Variants in RNGTT observed in about 807,000 individuals in gnomAD.
RNGTT encodes the protein mRNA-capping enzyme.
Under a neutral mutation model 79.3 loss-of-function variants are expected in RNGTT, and 33 were observed. The observed-to-expected ratio is 0.42, with a 90% CI of 0.32 to 0.56. RNGTT has a LOEUF of 0.56. RNGTT is among the 20% of genes least tolerant of loss of function. The pLI is 0.17. For synonymous variants in RNGTT, 222 were observed against 235.9 expected (o/e 0.94, Z 0.54); for missense variants, 497 against 739.1 (o/e 0.67, Z 3.80).
intron 1 of RNGTT, among the ~76,000 whole-genome samples, chr6:88,943,627 T>C (rs1051196361): frequency 6.6e-6 from 1 of 151,786 alleles, no homozygotes; most frequent in African/African-American, 2.4e-5. Context: ...GTTTATATTC[T>C]ATTAGGAAAA....
intron 12 of RNGTT, among the ~76,000 whole-genome samples, chr6:88,799,133 T>G (rs553081559): frequency 5.3e-5 from 8 of 150,712 alleles, no homozygotes; most frequent in Non-Finnish European, 5.9e-5. Flanking sequence ...AAACTTAAAC[T>G]CAGTTACAGA....
chr6:88,657,639 C>T (rs1200098276), intron 14 of RNGTT, among the ~76,000 whole-genome samples: 1 of 152,106 alleles, frequency 6.6e-6, no homozygotes, highest in East Asian at 1.9e-4. Flanking sequence ...TGCTTGCTTT[C>T]TCAGTGGAGA....
chr6:88,858,387 T>C (rs535081824), intron 8 of RNGTT, among the ~76,000 whole-genome samples: 2 of 152,188 alleles, frequency 1.3e-5, no homozygotes, highest in African/African-American at 4.8e-5. Flanking sequence ...AGATATTAAA[T>C]AATTCCAACC....
At chr6:88,681,417 TCTTA>T (rs1413482134) in intron 13 of RNGTT, among the ~76,000 whole-genome samples, 1 of 152,170 alleles carries the variant, frequency 6.6e-6, no homozygotes, top group Non-Finnish European at 1.5e-5. Context: ...TATACTTCTT[TCTTA>T]TTCATTATCC....
At position 88,887,047 on chromosome 6, in the gene RNGTT, TAA is replaced by T. The variant is rs754717516; in HGVS notation, c.896+3446_896+3447del. On this transcript the variant is annotated intron_variant, in intron 8 of 15. Coordinates refer to ENST00000369485, the MANE Select transcript of RNGTT (RefSeq NM_003800.5). ...GCAACATAGCAAAACACAATTTCTT[TAA>T]AAAAAAAAAAAAAAAAAAAAAGCCA... Among the ~76,000 whole-genome samples the T allele has an allele frequency of 3.5e-3, 294 of 83,470 alleles. 1 individual carries two copies. The highest frequency in any genetic ancestry group is 5.1e-3 in the Non-Finnish European group (215 of 42,282). 54.8% of individuals were successfully genotyped at this position (83,470 alleles called of 152,430 possible). A position where few individuals can be genotyped will look rare whatever the true frequency, so the allele number is the denominator to read the frequency against.
chr6:88,852,992 T>C (rs1241980754), intron 9 of RNGTT, among the ~76,000 whole-genome samples: 1 of 152,200 alleles, frequency 6.6e-6, no homozygotes, highest in Non-Finnish European at 1.5e-5. Flanking sequence ...ATGTAACATA[T>C]GTTTCTCTTC....
At chr6:88,782,772 C>T (rs1459854803) in intron 12 of RNGTT, among the ~76,000 whole-genome samples, 5 of 152,020 alleles carry the variant, frequency 3.3e-5, no homozygotes, top group Non-Finnish European at 5.9e-5. Flanking sequence ...ACGTAGATGG[C>T]CAACAGACCT....
chr6:88,675,642 A>G (rs1436192543), intron 14 of RNGTT, among the ~76,000 whole-genome samples: 1 of 148,584 alleles, frequency 6.7e-6, no homozygotes, highest in Non-Finnish European at 1.5e-5. Flanking sequence ...TGAAATCTAC[A>G]TAAAAGCTAC....
chr6:88,630,286 C>CTGT (rs1408175101), intron 14 of RNGTT, among the ~76,000 whole-genome samples: 1 of 152,224 alleles, frequency 6.6e-6, no homozygotes, highest in Non-Finnish European at 1.5e-5. Flanking sequence ...CCTCCTGGTA[C>CTGT]TGTTCTGTGC....
chr6:88,934,971 T>C (rs1365681457), intron 2 of RNGTT, among the ~76,000 whole-genome samples: 1 of 152,242 alleles, frequency 6.6e-6, no homozygotes, highest in Admixed American at 6.5e-5. Context: ...AGTTGTGTTT[T>C]TGAGGTCTTA....
intron 13 of RNGTT, among the ~76,000 whole-genome samples, chr6:88,739,221 C>T (rs1344671199): frequency 1.3e-5 from 2 of 151,954 alleles, no homozygotes; most frequent in East Asian, 1.9e-4. Flanking sequence ...GCTGGTAAGA[C>T]AAAAGGTGAA....
chr6:88,929,117 T>C, intron 3 of RNGTT, 44 bp from the exon 4 acceptor site: 1 of 1,584,668 alleles, frequency 6.3e-7, no homozygotes, highest in Non-Finnish European at 8.6e-7. Context: ...AGATTACAAA[T>C]TGTGATGAAA....
At chr6:88,614,191 C>T in intron 15 of RNGTT, 81 bp downstream of exon 15, 1 of 1,396,448 alleles carries the variant, frequency 7.2e-7, no homozygotes, top group Non-Finnish European at 1.0e-6. Context: ...TTAAGCAAAA[C>T]AACAAAGGCA....
intron 11 of RNGTT, among the ~76,000 whole-genome samples, chr6:88,809,356 A>C (rs1364981685): frequency 1.3e-5 from 2 of 152,166 alleles, no homozygotes; most frequent in Non-Finnish European, 2.9e-5. Context: ...AGTAGTAAAG[A>C]CATCTTGAAA....
At chr6:88,710,465 A>C (rs894187754) in intron 13 of RNGTT, among the ~76,000 whole-genome samples, 1 of 152,218 alleles carries the variant, frequency 6.6e-6, no homozygotes. Context: ...TATCTGCATT[A>C]AAATGGTTAT....
chr6:88,704,790 C>T (rs1190031604), intron 13 of RNGTT, among the ~76,000 whole-genome samples: 2 of 152,086 alleles, frequency 1.3e-5, no homozygotes, highest in African/African-American at 4.8e-5. Flanking sequence ...AGAAAGGCAA[C>T]AACAGGGGAG....
chr6:88,643,121 G>A (rs562111759), intron 14 of RNGTT, among the ~76,000 whole-genome samples: 1 of 151,898 alleles, frequency 6.6e-6, no homozygotes, highest in Admixed American at 6.6e-5. Flanking sequence ...CCTACCTTAA[G>A]TGTGCTTAAG....
chr6:88,652,853 G>T (rs1056699629), intron 14 of RNGTT, among the ~76,000 whole-genome samples: 14 of 152,104 alleles, frequency 9.2e-5, no homozygotes, highest in African/African-American at 3.4e-4. Context: ...AGGATGGAGG[G>T]AGAGTTATTT....
intron 14 of RNGTT, among the ~76,000 whole-genome samples, chr6:88,666,676 C>T (rs938069670): frequency 5.3e-5 from 8 of 152,192 alleles, no homozygotes; most frequent in Non-Finnish European, 1.0e-4. Flanking sequence ...CCGGGACAAA[C>T]CTTGGATGTC....
Sources: gnomAD v4.1 joint callset for allele counts (sites outside exome capture counted in the v4.1 genomes callset) on GRCh38, gnomAD v4.1.1 for gene constraint, MANE v1.5 for transcripts, NCBI Gene and HGNC (gene_info 2026-07-23, HGNC 2026-07-21) for gene names.